TNKS: variants seen among roughly 807,000 people sequenced by gnomAD.
TNKS encodes the protein tankyrase, also known as poly [ADP-ribose] polymerase tankyrase-1.
A neutral mutation model predicts 135.8 loss-of-function variants in TNKS; 72 were observed. The observed-to-expected ratio is 0.53, with a 90% CI of 0.44 to 0.64. The LOEUF (loss-of-function observed/expected upper bound fraction) is 0.64, where lower values mean the gene tolerates loss of function less well. Among genes scored for constraint, TNKS ranks in the 30% least tolerant of loss-of-function variants. The pLI is 0.00. For synonymous variants in TNKS, 849 were observed against 649.3 expected, an observed-to-expected ratio of 1.31 and a Z score of -4.68; for missense variants, 1,769 against 1,674.0, an observed-to-expected ratio of 1.06 and a Z score of -0.99.
chr8:9,662,617 G>C (rs1159423930), intron 3 of TNKS, among the ~76,000 whole-genome samples: 3 of 152,120 alleles, frequency 2.0e-5, no homozygotes. Context: ...AGGGGGAAGG[G>C]ATAGCATTAG....
chr8:9,624,189 T>C (rs1460263517), intron 3 of TNKS, among the ~76,000 whole-genome samples: 1 of 152,204 alleles, frequency 6.6e-6, no homozygotes, highest in East Asian at 1.9e-4. Flanking sequence ...TAGTGTATAC[T>C]CTGAGAGCAG....
At chr8:9,697,102 C>G (rs1186032363) in intron 5 of TNKS, among the ~76,000 whole-genome samples, 1 of 152,080 alleles carries the variant, frequency 6.6e-6, no homozygotes, top group African/African-American at 2.4e-5. Context: ...AAAAAACAGA[C>G]ACGTAGACTG....
At position 9,735,359 on chromosome 8, in the gene TNKS, T is replaced by G; in HGVS notation, c.2534-18T>G. On this transcript the variant is annotated intron_variant, in intron 16 of 26. Transcript: ENST00000310430. ...CTTTAAGCTGACACGTTTCCTGTAT[T>G]TTTTTTACTCTAAATAGCAGGCTAT... 4 of 1,606,854 alleles carry G rather than the reference T, an allele frequency of 2.5e-6. No homozygotes were observed. Among genetic ancestry groups the G allele is most frequent in the Non-Finnish European group, 3.4e-6 (4 of 1,174,452 alleles).
intron 20 of TNKS, among the ~76,000 whole-genome samples, chr8:9,758,919 G>T (rs976476374): frequency 6.6e-6 from 1 of 152,182 alleles, no homozygotes; most frequent in Non-Finnish European, 1.5e-5. Context: ...ATTAGCCAGG[G>T]TCAGTATCTC....
Position 9,621,672 on chromosome 8 carries a change from C to T in TNKS, c.994+5995C>T, listed in dbSNP as rs1339803557. On this transcript the variant is annotated intron_variant, in intron 3 of 26. Coordinates refer to ENST00000310430, the MANE Select transcript of TNKS (RefSeq NM_003747.3). ...TACTATAACCTGGCATATTGCATAC[C>T]ATGTGTAATACATGTTTTACTGTCA... is the stretch of plus-strand genomic sequence containing the variant. Among the ~76,000 whole-genome samples, 5 of 152,154 alleles carry T rather than the reference C, an allele frequency of 3.3e-5. No homozygotes were observed. In the East Asian group the frequency reaches 9.6e-4, roughly 29 times the overall value.
chr8:9,759,440 G>A (rs543000366), intron 20 of TNKS, among the ~76,000 whole-genome samples: 36 of 152,238 alleles, frequency 2.4e-4, no homozygotes, highest in Non-Finnish European at 4.3e-4. Flanking sequence ...CACTTTCCAC[G>A]TTAGGTGTGA....
rs1008847908 is a variant in TNKS, at chr8:9,779,540, G to T, written c.*2804G>T. The stretch of plus-strand genomic sequence containing the variant: ...TTGGCCTGCTGGATACTTGACTCAG[G>T]CATAAATTAAGTGCCCTGGTCCCGA... On this transcript the variant is annotated 3_prime_UTR_variant, in exon 27 of 27. Transcript: ENST00000310430. The T allele has an allele frequency of 6.6e-6, 1 of 152,082 alleles. No individual in the cohort carries two copies. The highest frequency in any genetic ancestry group is 2.4e-5 in the African/African-American group (1 of 41,376). 9.4% of individuals were successfully genotyped at this position (152,082 alleles called of 1,614,324 possible).
At chr8:9,672,192 C>A (rs915831334) in intron 3 of TNKS, among the ~76,000 whole-genome samples, 3 of 152,030 alleles carry the variant, frequency 2.0e-5, no homozygotes, top group Non-Finnish European at 2.9e-5. Flanking sequence ...CTTACTATGC[C>A]TAGTTTATAA....
At chr8:9,658,407 C>G (rs1801527483) in intron 3 of TNKS, 4 of 1,308,868 alleles carry the variant, frequency 3.1e-6, no homozygotes, top group Non-Finnish European at 4.0e-6. Flanking sequence ...CCGCTGAACT[C>G]CATCCTCCCG....
At chr8:9,679,541 T>C in intron 3 of TNKS, among the ~76,000 whole-genome samples, 1 of 152,208 alleles carries the variant, frequency 6.6e-6, no homozygotes, top group East Asian at 1.9e-4. Flanking sequence ...TAGTAATTTG[T>C]ACCTTTAAAG....
intron 12 of TNKS, among the ~76,000 whole-genome samples, chr8:9,724,448 TA>T (rs147945328): frequency 0.089 from 13,499 of 152,120 alleles, 723 homozygotes; most frequent in South Asian, 0.17. Flanking sequence ...AACAAATAAA[TA>T]AATTTCATGT....
intron 3 of TNKS, among the ~76,000 whole-genome samples, chr8:9,620,288 A>G (rs1312823194): frequency 6.6e-6 from 1 of 152,060 alleles, no homozygotes; most frequent in African/African-American, 2.4e-5. Flanking sequence ...CCAACCTATC[A>G]GTAATTCAGG....
At chr8:9,587,868 A>G (rs1287967353) in intron 2 of TNKS, among the ~76,000 whole-genome samples, 1 of 152,218 alleles carries the variant, frequency 6.6e-6, no homozygotes, top group African/African-American at 2.4e-5. Context: ...GCGGTTTTGC[A>G]AAATTTATCT....
intron 3 of TNKS, among the ~76,000 whole-genome samples, chr8:9,646,040 T>C (rs1800908792): frequency 1.3e-5 from 2 of 152,182 alleles, no homozygotes; most frequent in Admixed American, 6.5e-5. Flanking sequence ...TCTAGACTAG[T>C]AGTATATTAT....
chr8:9,741,349 G>A (rs999254841), intron 17 of TNKS, among the ~76,000 whole-genome samples: 4 of 152,114 alleles, frequency 2.6e-5, no homozygotes, highest in African/African-American at 9.7e-5. Context: ...TTATAATAAT[G>A]AACTGATCTA....
At chr8:9,605,785 T>A (rs1245629242) in intron 2 of TNKS, among the ~76,000 whole-genome samples, 2 of 152,064 alleles carry the variant, frequency 1.3e-5, no homozygotes, top group African/African-American at 2.4e-5. Flanking sequence ...TTTTTCAAGT[T>A]GTATTGTTTG....
intron 17 of TNKS, chr8:9,741,744 T>C (rs557756166): frequency 1.9e-6 from 1 of 529,570 alleles, no homozygotes; most frequent in Non-Finnish European, 3.9e-6. Flanking sequence ...CTCTTGTGGC[T>C]CAAGCGTAAT....
intron 1 of TNKS, among the ~76,000 whole-genome samples, chr8:9,579,074 C>T (rs963177244): frequency 2.6e-5 from 4 of 152,150 alleles, no homozygotes; most frequent in African/African-American, 2.4e-5. Context: ...TCTTACCTTT[C>T]TAAGTGTTTG....
chr8:9,718,144 A>G (rs1264057103), intron 11 of TNKS, among the ~76,000 whole-genome samples: 1 of 152,276 alleles, frequency 6.6e-6, no homozygotes, highest in East Asian at 1.9e-4. Flanking sequence ...TTGTTCTTCT[A>G]TCATAGATAT....
Sources: gnomAD v4.1 joint callset for allele counts (sites outside exome capture counted in the v4.1 genomes callset) on GRCh38, gnomAD v4.1.1 for gene constraint, MANE v1.5 for transcripts, NCBI Gene and HGNC (gene_info 2026-07-23, HGNC 2026-07-21) for gene names.